Variants in EML5 observed in about 807,000 individuals in gnomAD.
EML5 encodes the protein echinoderm microtubule-associated protein-like 5.
EML5 carries 120 observed loss-of-function variants against 250.0 expected under a neutral mutation model. The observed-to-expected ratio is 0.48, with a 90% CI of 0.41 to 0.56. The LOEUF (loss-of-function observed/expected upper bound fraction) is 0.56. Ranked by LOEUF, EML5 falls within the 20% of genes least tolerant of loss-of-function variation. EML5 has a pLI of 0.00. For missense variants in EML5, 2,006 were observed against 2,437.6 expected (o/e 0.82, Z 3.73); for synonymous variants, 771 against 806.5 (o/e 0.96, Z 0.75).
At chr14:88,683,432 T>C (rs2141187466) in intron 20 of EML5, among the ~76,000 whole-genome samples, 1 of 152,350 alleles carries the variant, frequency 6.6e-6, no homozygotes. Context: ...GTTTAACAGT[T>C]GGGTGTGGTC....
intron 7 of EML5, among the ~76,000 whole-genome samples, chr14:88,730,370 A>G (rs188955346): frequency 2.4e-4 from 37 of 152,364 alleles, no homozygotes; most frequent in African/African-American, 8.9e-4. Context: ...AGGTTGCAAG[A>G]GAAGTAAGTT....
chr14:88,708,183 ATTAAT>A (rs1468524885), intron 10 of EML5, among the ~76,000 whole-genome samples: 1 of 152,156 alleles, frequency 6.6e-6, no homozygotes, highest in Non-Finnish European at 1.5e-5. Context: ...ATGGGACTGT[ATTAAT>A]TTTTTAATAA....
chr14:88,629,677 C>T (rs2090317644), intron 33 of EML5, among the ~76,000 whole-genome samples: 1 of 152,172 alleles, frequency 6.6e-6, no homozygotes, highest in South Asian at 2.1e-4. Flanking sequence ...TTACTGGGGA[C>T]ATCGCATATT....
intron 27 of EML5, among the ~76,000 whole-genome samples, chr14:88,655,043 C>T (rs1051693377): frequency 3.9e-5 from 6 of 151,960 alleles, no homozygotes; most frequent in Non-Finnish European, 8.8e-5. Flanking sequence ...CCTTCTTTGT[C>T]TTTTTTGATC....
At chr14:88,705,430 T>C in intron 12 of EML5, 52 bp downstream of exon 12, 1 of 1,315,570 alleles carries the variant, frequency 7.6e-7, no homozygotes, top group Non-Finnish European at 1.1e-6. Flanking sequence ...GGGAGCAAGA[T>C]AAAGAAGAAA....
rs2094462959 is a variant in EML5 at position 88,777,985 on chromosome 14, G to C, written c.197+14322C>G. 1.3e-4 allele frequency among the ~76,000 whole-genome samples: 20 copies of C among 152,260 alleles called. No individual in the cohort carries two copies. In the South Asian group the frequency reaches 4.1e-3, roughly 32 times the overall value. On this transcript the variant is annotated intron_variant, in intron 1 of 43. Transcript: ENST00000554922. Reference sequence around the variant, plus strand: ...GTGACATCCTGTCTCAAAAAATACAGCAAATTTTTAAAAATGAGGGGACCA... The same window carrying C: ...GTGACATCCTGTCTCAAAAAATACACCAAATTTTTAAAAATGAGGGGACCA...
chr14:88,618,335 T>C lies in EML5; in HGVS notation c.5539-4A>G. On this transcript the variant is annotated splice_region_variant and splice_polypyrimidine_tract_variant and intron_variant, in intron 40 of 43. Coordinates refer to ENST00000554922, the MANE Select transcript of EML5 (RefSeq NM_183387.3). ...GTTTATAGCAGCCACTAGAGACCTTTTTCATCAGATTAAAATGGGACAAGA... is the reference window on the plus strand; with the variant it reads ...GTTTATAGCAGCCACTAGAGACCTTCTTCATCAGATTAAAATGGGACAAGA... The C allele has an allele frequency of 1.9e-6, 3 of 1,612,460 alleles. No individual in the cohort carries two copies. Among genetic ancestry groups the C allele is most frequent in the Non-Finnish European group, 1.7e-6 (2 of 1,179,082 alleles).
In EML5 at chr14:88,634,128, T is replaced by A. The variant is rs574516447; in HGVS notation, c.4357+341A>T. On this transcript the variant is annotated intron_variant, in intron 33 of 43. Transcript: ENST00000554922. ...AGGTGATTGGATCATGGGGGCAGAT[T>A]TCCCCCTTGCTGTTCTTGTGATTGT... Among the ~76,000 whole-genome samples, 3 of 152,248 alleles carry A rather than the reference T, an allele frequency of 2.0e-5. 1 individual carries two copies. Among genetic ancestry groups the A allele is most frequent in the African/African-American group, 7.2e-5 (3 of 41,552 alleles).
intron 1 of EML5, among the ~76,000 whole-genome samples, chr14:88,783,027 C>T (rs1566798591): frequency 6.6e-6 from 1 of 151,512 alleles, no homozygotes; most frequent in Non-Finnish European, 1.5e-5. Context: ...TGCAGTAAGC[C>T]AAGATTGAGC....
chr14:88,679,551 C>T (rs928766989), intron 21 of EML5, among the ~76,000 whole-genome samples: 1 of 151,756 alleles, frequency 6.6e-6, no homozygotes, highest in African/African-American at 2.4e-5. Flanking sequence ...AATAAGCCAG[C>T]CGTGGTGGCG....
At chr14:88,624,703 A>G (rs2089648138) in intron 36 of EML5, 3 of 396,630 alleles carry the variant, frequency 7.6e-6, no homozygotes, top group African/African-American at 4.1e-5. Flanking sequence ...GCATACAGAC[A>G]TTAAGAAAAG....
At chr14:88,725,751 C>G (rs997008962) in intron 8 of EML5, among the ~76,000 whole-genome samples, 2 of 152,152 alleles carry the variant, frequency 1.3e-5, no homozygotes, top group African/African-American at 4.8e-5. Flanking sequence ...AGCTAAGAGG[C>G]TATTCCACCA....
In EML5 at chr14:88,649,897, T is replaced by A. The variant is rs1396816360; in HGVS notation, c.4019+15A>T. 1 of 1,490,188 alleles carries A rather than the reference T, an allele frequency of 6.7e-7. No individual in the cohort carries two copies. The highest frequency in any genetic ancestry group is 8.9e-7 in the Non-Finnish European group (1 of 1,120,000). 92.3% of individuals were successfully genotyped at this position (1,490,188 alleles called of 1,614,324 possible). ...AAATTTTTGAATAAAATATTTTCTT[T>A]TATAAAACACTTACCTTACTACTCC... On this transcript the variant is annotated intron_variant, in intron 28 of 43. Coordinates refer to ENST00000554922, the MANE Select transcript of EML5 (RefSeq NM_183387.3).
intron 7 of EML5, among the ~76,000 whole-genome samples, chr14:88,735,004 T>C (rs11624015): frequency 0.11 from 16,896 of 152,132 alleles, 1,036 homozygotes; most frequent in African/African-American, 0.14. Context: ...TACAGAACAC[T>C]GTGTGATAAC....
rs771576194 is a variant in EML5 at position 88,625,130 on chromosome 14, G to A, written c.4741-3C>T. ...GTACCTGTAAACGTCAAGTTATTCT[G>A]AAAAGGAGTGGGGGAGGGGGAGACA... On this transcript the variant is annotated splice_polypyrimidine_tract_variant and splice_region_variant and intron_variant, in intron 35 of 43. Transcript: ENST00000554922. The A allele has an allele frequency of 1.2e-6, 2 of 1,613,046 alleles. No homozygotes were observed. Among genetic ancestry groups the A allele is most frequent in the East Asian group, 4.5e-5 (2 of 44,878 alleles).
chr14:88,698,441 A>G (rs2093132001), intron 14 of EML5, among the ~76,000 whole-genome samples: 1 of 151,476 alleles, frequency 6.6e-6, no homozygotes, highest in African/African-American at 2.4e-5. Context: ...TAATTTTTGT[A>G]TTTTTTGTAA....
intron 42 of EML5, 169 bp from the exon 43 acceptor site, chr14:88,616,411 G>C: frequency 1.5e-6 from 1 of 671,606 alleles, no homozygotes; most frequent in South Asian, 1.9e-5. Flanking sequence ...TGCAAAACCA[G>C]GCTGTGTGGG....
chr14:88,634,732 A>G (rs934219242), intron 32 of EML5, among the ~76,000 whole-genome samples: 1 of 152,122 alleles, frequency 6.6e-6, no homozygotes, highest in Non-Finnish European at 1.5e-5. Flanking sequence ...AGTTACATAA[A>G]CTTTTAATTA....
intron 10 of EML5, among the ~76,000 whole-genome samples, chr14:88,711,531 A>G (rs2093407848): frequency 6.6e-6 from 1 of 151,646 alleles, no homozygotes; most frequent in African/African-American, 2.4e-5. Flanking sequence ...TCTCGTGAGA[A>G]TTCACTCACT....
Sources: gnomAD v4.1 joint callset for allele counts (sites outside exome capture counted in the v4.1 genomes callset) on GRCh38, gnomAD v4.1.1 for gene constraint, MANE v1.5 for transcripts, NCBI Gene and HGNC (gene_info 2026-07-23, HGNC 2026-07-21) for gene names.